TOX: variants seen among roughly 807,000 people sequenced by gnomAD.
TOX encodes the protein thymocyte selection associated high mobility group box.
Under a neutral mutation model 53.7 loss-of-function variants are expected in TOX, and 11 were observed. The ratio of observed to expected loss-of-function variants is 0.20; its 90% CI spans 0.13 to 0.34. The LOEUF (loss-of-function observed/expected upper bound fraction) is 0.34, where lower values mean the gene tolerates loss of function less well. Ranked by LOEUF, TOX falls within the 10% of genes least tolerant of loss-of-function variation. The pLI is 1.00. For missense variants in TOX, 570 were observed against 664.6 expected (o/e 0.86, Z 1.56); for synonymous variants, 225 against 245.3 (o/e 0.92, Z 0.77).
In TOX at chr8:58,851,802, G is replaced by T. The variant is rs761426350; in HGVS notation, c.415C>A (p.Pro139Thr). Residue 139 changes from proline (P) to threonine (T), a missense_variant, in exon 4 of 9, where the codon CCA (proline) becomes ACA (threonine). Pro to Thr is a conservative substitution (Grantham distance 38). Transcript: ENST00000361421. This position sits in a 1 kb window ranked among gnomAD's most constrained non-coding sequence, Gnocchi z 4.4. Reference sequence around the variant, plus strand: ...GTTCCTTCTGGGTTTCGTATATCTGGCATCTACAATAAATAAATAAATAAA... The same window carrying T: ...GTTCCTTCTGGGTTTCGTATATCTGTCATCTACAATAAATAAATAAATAAA... Reference protein sequence around the residue: ...TLLSNSISVMPDIRNPEGTQY... With the variant: ...TLLSNSISVMTDIRNPEGTQY... The T allele has an allele frequency of 5.3e-6, 8 of 1,498,208 alleles. No individual in the cohort carries two copies. In the South Asian group the frequency reaches 1.1e-4, roughly 21 times the overall value. The allele number at this position is 1,498,208 out of a possible 1,614,324, so 92.8% of individuals were successfully genotyped here. A position where few individuals can be genotyped will look rare whatever the true frequency, so the allele number is the denominator to read the frequency against.
At chr8:58,884,641 A>T (rs1317322410) in intron 3 of TOX, among the ~76,000 whole-genome samples, 4 of 152,112 alleles carry the variant, frequency 2.6e-5, no homozygotes, top group African/African-American at 9.7e-5. Flanking sequence ...AACCACTACA[A>T]CTATGGTTGT....
intron 6 of TOX, among the ~76,000 whole-genome samples, chr8:58,823,629 A>G (rs1810316898): frequency 6.6e-6 from 1 of 152,182 alleles, no homozygotes; most frequent in Admixed American, 6.5e-5. Context: ...CTTATTTTTG[A>G]TCATGTTCTG....
chr8:58,842,249 G>A (rs896806343), intron 4 of TOX, among the ~76,000 whole-genome samples: 13 of 152,144 alleles, frequency 8.5e-5, no homozygotes, highest in Admixed American at 7.2e-4. Context: ...AGCAGACTGC[G>A]TGGGGAAGAC....
intron 1 of TOX, among the ~76,000 whole-genome samples, chr8:59,004,866 C>T: frequency 6.6e-6 from 1 of 152,014 alleles, no homozygotes. Context: ...TTTTTTGTGG[C>T]CCTAGTAATT....
intron 1 of TOX, among the ~76,000 whole-genome samples, chr8:59,075,213 G>A (rs1392341291): frequency 2.0e-5 from 3 of 152,112 alleles, no homozygotes; most frequent in Admixed American, 6.5e-5. Context: ...TGGAAATGTC[G>A]GCCTGAAAAC....
intron 3 of TOX, among the ~76,000 whole-genome samples, chr8:58,909,258 T>C (rs764715205): frequency 3.3e-5 from 5 of 152,192 alleles, no homozygotes; most frequent in Admixed American, 6.5e-5. Flanking sequence ...CTGCAATACC[T>C]AGGTGATGGG....
chr8:58,835,661 G>C (rs953753902), intron 5 of TOX, among the ~76,000 whole-genome samples: 21 of 152,162 alleles, frequency 1.4e-4, no homozygotes, highest in African/African-American at 4.8e-4. Context: ...TGAGAACAGG[G>C]ATTTATTTTT....
At chr8:58,859,030 A>G (rs1328227027) in intron 3 of TOX, among the ~76,000 whole-genome samples, 1 of 152,216 alleles carries the variant, frequency 6.6e-6, no homozygotes, top group African/African-American at 2.4e-5. Flanking sequence ...AATAATCAAA[A>G]TTTATTTATT....
intron 5 of TOX, among the ~76,000 whole-genome samples, chr8:58,830,053 T>A (rs1386465286): frequency 2.0e-5 from 3 of 152,140 alleles, no homozygotes; most frequent in South Asian, 2.1e-4. Flanking sequence ...GGTCTCTCAC[T>A]CTTAGGGAAA....
In TOX at chr8:58,960,010, T is replaced by C; in HGVS notation, c.103-2A>G. ...CATATACATGTTCTCACCGTCAAAC[T>C]GCGAATGAAATAATAGTAAACATTC... is the stretch of plus-strand genomic sequence containing the variant. On this transcript the variant is annotated splice_acceptor_variant, in intron 1 of 8. Coordinates refer to ENST00000361421, the MANE Select transcript of TOX (RefSeq NM_014729.3). LOFTEE classifies it high-confidence loss of function. 1.2e-6 allele frequency: 2 copies of C among 1,614,188 alleles called. No individual in the cohort carries two copies. Among genetic ancestry groups the C allele is most frequent in the Non-Finnish European group, 1.7e-6 (2 of 1,180,018 alleles).
intron 1 of TOX, among the ~76,000 whole-genome samples, chr8:59,058,137 A>G (rs1301293607): frequency 6.6e-6 from 1 of 152,246 alleles, no homozygotes; most frequent in African/African-American, 2.4e-5. Flanking sequence ...TAAGAATATC[A>G]TCTCATTTCA....
At chr8:58,892,741 G>GTA (rs1238510235) in intron 3 of TOX, among the ~76,000 whole-genome samples, 1 of 152,134 alleles carries the variant, frequency 6.6e-6, no homozygotes, top group African/African-American at 2.4e-5. Flanking sequence ...CTTTGGAGAT[G>GTA]TACTCTATTG....
chr8:59,116,315 T>C (rs1365754392), intron 1 of TOX, among the ~76,000 whole-genome samples: 2 of 152,254 alleles, frequency 1.3e-5, no homozygotes, highest in Admixed American at 1.3e-4. Context: ...AAGCAAGATT[T>C]ACTTTGCAGT....
At chr8:58,976,086 T>A (rs995154179) in intron 1 of TOX, among the ~76,000 whole-genome samples, 14 of 147,264 alleles carry the variant, frequency 9.5e-5, no homozygotes, top group Non-Finnish European at 2.1e-4. Flanking sequence ...AAAAAAAAAA[T>A]GAAGTTTGCC....
chr8:58,883,083 T>C (rs1025966052), intron 3 of TOX, among the ~76,000 whole-genome samples: 5 of 152,204 alleles, frequency 3.3e-5, no homozygotes, highest in Non-Finnish European at 5.9e-5. Flanking sequence ...GTGATATGTG[T>C]CCTAATCACT....
At chr8:58,866,366 A>G (rs1336604800) in intron 3 of TOX, among the ~76,000 whole-genome samples, 2 of 152,226 alleles carry the variant, frequency 1.3e-5, no homozygotes, top group Admixed American at 6.5e-5. Context: ...TTATTTTAGG[A>G]TTTACATAAT....
At chr8:58,895,112 G>A (rs1273386605) in intron 3 of TOX, among the ~76,000 whole-genome samples, 4 of 150,982 alleles carry the variant, frequency 2.6e-5, no homozygotes, top group Non-Finnish European at 5.9e-5. Flanking sequence ...CGCTTCAACC[G>A]GGGAGGGGGA....
At chr8:59,052,509 T>G (rs1033454974) in intron 1 of TOX, among the ~76,000 whole-genome samples, 1 of 152,246 alleles carries the variant, frequency 6.6e-6, no homozygotes, top group Non-Finnish European at 1.5e-5. Context: ...AATTCAAGTG[T>G]GGATTTTAGT....
At chr8:58,971,603 G>A (rs1026600100) in intron 1 of TOX, among the ~76,000 whole-genome samples, 1 of 152,210 alleles carries the variant, frequency 6.6e-6, no homozygotes, top group African/African-American at 2.4e-5. Context: ...CAATAGGCGG[G>A]AAGTAGTGGA....
Sources: gnomAD v4.1 joint callset for allele counts (sites outside exome capture counted in the v4.1 genomes callset) on GRCh38, gnomAD v4.1.1 for gene constraint, Gnocchi (gnomAD v3.1) non-coding constraint, MANE v1.5 for transcripts, NCBI Gene and HGNC (gene_info 2026-07-23, HGNC 2026-07-21) for gene names.